IL7: variants seen among roughly 807,000 people sequenced by gnomAD.
The protein encoded by IL7 is interleukin-7.
In IL7, 3 loss-of-function variants were observed where a neutral mutation model predicts 21.6. The observed-to-expected ratio is 0.14, with a 90% CI of 0.06 to 0.36. The LOEUF (loss-of-function observed/expected upper bound fraction) is 0.36. Among genes scored for constraint, IL7 ranks in the 10% least tolerant of loss-of-function variants. IL7 has a pLI of 1.00. For synonymous variants in IL7, 62 were observed against 68.1 expected (o/e 0.91, Z 0.44); for missense variants, 175 against 200.2 (o/e 0.87, Z 0.76).
At chr8:78,739,919 T>C in intron 3 of IL7, 83 bp downstream of exon 3, 1 of 1,236,794 alleles carries the variant, frequency 8.1e-7, no homozygotes, top group Admixed American at 3.7e-5. Context: ...ATAGTATTCA[T>C]ATAATTGTCT....
At chr8:78,710,914 A>G (rs1034501833) in intron 3 of IL7, among the ~76,000 whole-genome samples, 1 of 152,144 alleles carries the variant, frequency 6.6e-6, no homozygotes, top group African/African-American at 2.4e-5. Flanking sequence ...GACAAAAATT[A>G]ATAAAATGTG....
intron 2 of IL7, among the ~76,000 whole-genome samples, chr8:78,771,842 T>C (rs1374697384): frequency 6.6e-6 from 1 of 152,094 alleles, no homozygotes; most frequent in East Asian, 1.9e-4. Context: ...CTGCTACAAA[T>C]GAAAGGCTTG....
chr8:78,770,469 T>A (rs1812912865), intron 2 of IL7, among the ~76,000 whole-genome samples: 1 of 152,132 alleles, frequency 6.6e-6, no homozygotes, highest in Admixed American at 6.6e-5. Flanking sequence ...TATCCTAGTG[T>A]TTGTCTCTTA....
At chr8:78,702,688 C>T (rs912525002) in intron 3 of IL7, among the ~76,000 whole-genome samples, 5 of 152,098 alleles carry the variant, frequency 3.3e-5, no homozygotes, top group African/African-American at 4.8e-5. Flanking sequence ...CAAAGCACTT[C>T]CCGATTTCTG....
intron 3 of IL7, among the ~76,000 whole-genome samples, chr8:78,706,653 A>G (rs1252539073): frequency 6.6e-6 from 1 of 151,992 alleles, no homozygotes; most frequent in African/African-American, 2.4e-5. Flanking sequence ...ATTAGTCCCA[A>G]TGCAAGTACA....
At chr8:78,745,953 T>C (rs1047212975) in intron 2 of IL7, among the ~76,000 whole-genome samples, 1 of 152,212 alleles carries the variant, frequency 6.6e-6, no homozygotes, top group African/African-American at 2.4e-5. Flanking sequence ...TTTGTGTGGG[T>C]GTCAAGTCTT....
intron 2 of IL7, among the ~76,000 whole-genome samples, chr8:78,766,013 A>G (rs1812743165): frequency 6.6e-6 from 1 of 152,136 alleles, no homozygotes; most frequent in Non-Finnish European, 1.5e-5. Flanking sequence ...ATGAGCTATA[A>G]AGCAACAAGA....
chr8:78,779,781 T>C (rs1423587383), intron 2 of IL7, among the ~76,000 whole-genome samples: 2 of 152,180 alleles, frequency 1.3e-5, no homozygotes, highest in African/African-American at 2.4e-5. Flanking sequence ...TCCCTCCTTT[T>C]CAATTGTTTG....
chr8:78,710,283 A>G (rs889871454), intron 3 of IL7, among the ~76,000 whole-genome samples: 2 of 152,120 alleles, frequency 1.3e-5, no homozygotes, highest in Admixed American at 1.3e-4. Flanking sequence ...TGAGTTTTGA[A>G]TGTACATATA....
intron 1 of IL7, among the ~76,000 whole-genome samples, chr8:78,802,435 T>TA (rs200884594): frequency 2.4e-5 from 3 of 124,280 alleles, no homozygotes; most frequent in African/African-American, 9.5e-5. Context: ...TTTCTCTCTC[T>TA]TTTTTTTTTT....
At chr8:78,714,110 G>A (rs1265679729), downstream of IL7, among the ~76,000 whole-genome samples, 2 of 152,112 alleles carry the variant, frequency 1.3e-5, no homozygotes, top group Non-Finnish European at 2.9e-5. Context: ...ATATAACACT[G>A]TTCACCTGTG....
chr8:78,720,842 A>C (rs969686825), intron 5 of IL7, among the ~76,000 whole-genome samples: 1 of 151,934 alleles, frequency 6.6e-6, no homozygotes, highest in Non-Finnish European at 1.5e-5. Context: ...ATTTCATCTT[A>C]GTTCTACCAC....
At chr8:78,803,851 T>C (rs917344226) in intron 1 of IL7, among the ~76,000 whole-genome samples, 5 of 152,198 alleles carry the variant, frequency 3.3e-5, no homozygotes, top group Admixed American at 1.3e-4. Context: ...GTTTTGTTAC[T>C]GAGCTGGCAC....
At chr8:78,695,754 A>G (rs895632837) in intron 3 of IL7, among the ~76,000 whole-genome samples, 1 of 152,180 alleles carries the variant, frequency 6.6e-6, no homozygotes, top group African/African-American at 2.4e-5. Context: ...CCAAAGTCTC[A>G]TAGACATTTG....
intron 1 of IL7, among the ~76,000 whole-genome samples, chr8:78,802,382 C>G (rs1254942533): frequency 6.6e-6 from 1 of 151,710 alleles, no homozygotes; most frequent in African/African-American, 2.4e-5. Context: ...GATGGAGAAT[C>G]TGGGGCACAA....
At chr8:78,783,265 G>C (rs1384936447) in intron 2 of IL7, among the ~76,000 whole-genome samples, 1 of 152,164 alleles carries the variant, frequency 6.6e-6, no homozygotes, top group African/African-American at 2.4e-5. Flanking sequence ...CTCCTGATTT[G>C]CAGGTTGCAC....
chr8:78,797,560 T>C (rs1003508710), intron 2 of IL7, among the ~76,000 whole-genome samples: 5 of 152,116 alleles, frequency 3.3e-5, no homozygotes, highest in Non-Finnish European at 1.5e-5. Context: ...GTATAAAATC[T>C]ATTAATTAGA....
At chr8:78,686,581 C>T (rs770664830) in intron 3 of IL7, 2 of 1,532,892 alleles carry the variant, frequency 1.3e-6, no homozygotes, top group South Asian at 2.7e-5. Context: ...CAAACTTCCT[C>T]CTCCTCCTCC....
intron 4 of IL7, among the ~76,000 whole-genome samples, chr8:78,677,484 C>T (rs1809618880): frequency 6.6e-6 from 1 of 152,104 alleles, no homozygotes; most frequent in African/African-American, 2.4e-5. Context: ...ACAAATCAGA[C>T]CACCTGTCCT....
Sources: allele counts gnomAD v4.1 joint callset (sites outside exome capture counted in the v4.1 genomes callset), GRCh38; gene constraint gnomAD v4.1.1; transcripts MANE v1.5; gene names NCBI Gene and HGNC (gene_info 2026-07-23, HGNC 2026-07-21).